EBAG9: variants seen among roughly 807,000 people sequenced by gnomAD.
The protein encoded by EBAG9 is receptor-binding cancer antigen expressed on SiSo cells.
EBAG9 carries 16 observed loss-of-function variants against 30.9 expected under a neutral mutation model. The ratio of observed to expected loss-of-function variants is 0.52; its 90% CI spans 0.35 to 0.79. The LOEUF (loss-of-function observed/expected upper bound fraction) is 0.79. EBAG9 is among the 30% of genes least tolerant of loss of function. The probability of loss-of-function intolerance (pLI) is 0.01; values close to 1 mark genes in which losing one functional copy is unlikely to be tolerated. For synonymous variants in EBAG9, 93 were observed against 82.8 expected (o/e 1.12, Z -0.67); for missense variants, 197 against 242.1 (o/e 0.81, Z 1.24).
At chr8:109,545,862 A>G (rs1821374476) in intron 1 of EBAG9, among the ~76,000 whole-genome samples, 1 of 152,166 alleles carries the variant, frequency 6.6e-6, no homozygotes, top group African/African-American at 2.4e-5. Flanking sequence ...TCAGTTCTGT[A>G]TCTTTGGCAG....
chr8:109,561,335 C>G (rs901175747), intron 6 of EBAG9, among the ~76,000 whole-genome samples: 1 of 151,826 alleles, frequency 6.6e-6, no homozygotes, highest in African/African-American at 2.4e-5. Context: ...GTGCCCAGTA[C>G]TGCTCATTTG....
intron 1 of EBAG9, among the ~76,000 whole-genome samples, chr8:109,548,269 A>C (rs947172173): frequency 6.6e-6 from 1 of 151,824 alleles, no homozygotes; most frequent in African/African-American, 2.4e-5. Flanking sequence ...TTTCTCTCTG[A>C]ATTACCTTTG....
intron 4 of EBAG9, among the ~76,000 whole-genome samples, chr8:109,556,328 G>C (rs1821597568): frequency 6.6e-6 from 1 of 151,922 alleles, no homozygotes; most frequent in Non-Finnish European, 1.5e-5. Context: ...ATTCTTTGTT[G>C]TTGAGTTGTC....
chr8:109,554,641 T>C (rs1821559458), intron 3 of EBAG9, 88 bp from the exon 4 acceptor site: 1 of 1,375,630 alleles, frequency 7.3e-7, no homozygotes, highest in Admixed American at 2.2e-5. Flanking sequence ...ACCAGTGTTT[T>C]AGAAAGCCCA....
In EBAG9 at chr8:109,565,665, GC is replaced by G. The variant is rs1821812633; in HGVS notation, c.*1108del. ...TTTCACCGCAGTTGAAATGCATCCA[GC>G]CTGATTTTCCTATCATTTTGGAATT... On this transcript the variant is annotated 3_prime_UTR_variant, in exon 7 of 7. Transcript: ENST00000337573. 6.6e-6 allele frequency: 1 copy of G among 151,998 alleles called. No homozygotes were observed. The highest frequency in any genetic ancestry group is 2.1e-4 in the South Asian group (1 of 4,832). The allele number at this position is 151,998 out of a possible 1,614,324, so 9.4% of individuals were successfully genotyped here.
chr8:109,552,897 A>T (rs1023500596), intron 2 of EBAG9, among the ~76,000 whole-genome samples: 2 of 152,152 alleles, frequency 1.3e-5, no homozygotes, highest in Non-Finnish European at 2.9e-5. Context: ...GGAGTTCAAG[A>T]CCAGCCTGGG....
intron 5 of EBAG9, among the ~76,000 whole-genome samples, chr8:109,560,364 T>C (rs1311642906): frequency 6.6e-6 from 1 of 152,178 alleles, no homozygotes; most frequent in Non-Finnish European, 1.5e-5. Context: ...GTAAGTTACA[T>C]ATGCTTAAAT....
At chr8:109,545,386 T>A (rs10094166) in intron 1 of EBAG9, among the ~76,000 whole-genome samples, 13 of 133,116 alleles carry the variant, frequency 9.8e-5, no homozygotes, top group Admixed American at 2.3e-4. Flanking sequence ...TTTTTTGAAA[T>A]GGAGTCTCAC....
At chr8:109,546,548 G>C (rs546942356) in intron 1 of EBAG9, among the ~76,000 whole-genome samples, 45 of 152,326 alleles carry the variant, frequency 3.0e-4, no homozygotes, top group African/African-American at 9.4e-4. Flanking sequence ...TCTGCTGCCT[G>C]TGGGCCTCAT....
chr8:109,561,585 T>TAG (rs1171190413), intron 6 of EBAG9, among the ~76,000 whole-genome samples: 1 of 152,094 alleles, frequency 6.6e-6, no homozygotes, highest in Non-Finnish European at 1.5e-5. Flanking sequence ...TAGTGACTGA[T>TAG]TACTGCTTTT....
chr8:109,557,135 T>G, intron 5 of EBAG9, 93 bp downstream of exon 5: 1 of 727,772 alleles, frequency 1.4e-6, no homozygotes, highest in East Asian at 3.2e-5. Context: ...TAACATAGTA[T>G]TTATATTTTT....
intron 1 of EBAG9, among the ~76,000 whole-genome samples, chr8:109,547,227 G>C (rs1261848915): frequency 6.6e-6 from 1 of 151,984 alleles, no homozygotes; most frequent in Non-Finnish European, 1.5e-5. Flanking sequence ...TGGGTCATAT[G>C]GTAGATGTTT....
rs1382941492 is a variant in EBAG9 at position 109,557,012 on chromosome 8, T to C, written c.399T>C (p.Ala133=). ...CAGGTTTCTCTAGTAGATTAGCAGC[T>C]ACACAAGATCTGCCTTTTATTCATC... is the stretch of plus-strand genomic sequence containing the variant. The part of the protein sequence containing the change: ...GSTGFSSRLA[A]TQDLPFIHQS... The change falls in exon 5 of 7, where the codon GCT becomes GCC. Residue 133 remains alanine, a synonymous_variant. Coordinates refer to ENST00000337573, the MANE Select transcript of EBAG9 (RefSeq NM_004215.5). The C allele has an allele frequency of 2.5e-6, 4 of 1,607,530 alleles. No homozygotes were observed. Among genetic ancestry groups the C allele is most frequent in the Non-Finnish European group, 2.6e-6 (3 of 1,176,264 alleles).
At position 109,565,259 on chromosome 8, in the gene EBAG9, T is replaced by C. The variant is rs1391897922; in HGVS notation, c.*700T>C. ...ATTGAAAATCAACTAAAATGACATT[T>C]GTTCTACATTATAACTTGTGAGTTT... On this transcript the variant is annotated 3_prime_UTR_variant, in exon 7 of 7. Coordinates refer to ENST00000337573, the MANE Select transcript of EBAG9 (RefSeq NM_004215.5). The C allele has an allele frequency of 6.6e-6, 1 of 152,548 alleles. No individual in the cohort carries two copies. Among genetic ancestry groups the C allele is most frequent in the Non-Finnish European group, 1.5e-5 (1 of 67,972 alleles). 9.4% of individuals were successfully genotyped at this position (152,548 alleles called of 1,614,324 possible). A position where few individuals can be genotyped will look rare whatever the true frequency, so the allele number is the denominator to read the frequency against.
intron 3 of EBAG9, among the ~76,000 whole-genome samples, 185 bp downstream of exon 3, chr8:109,554,128 A>T (rs908646327): frequency 6.6e-6 from 1 of 152,050 alleles, no homozygotes; most frequent in African/African-American, 2.4e-5. Context: ...TTCTTTGTTG[A>T]CATTTTCTAT....
chr8:109,563,361 A>G lies in EBAG9; in HGVS notation c.522-1078A>G, dbSNP rs1174504630. On this transcript the variant is annotated intron_variant, in intron 6 of 6. Transcript: ENST00000337573. Reference sequence around the variant, plus strand: ...CTGTAGCTTCCTTCCTCAACGTTGCATACTTGAATGATTTTCTCACACCCT... The same window carrying G: ...CTGTAGCTTCCTTCCTCAACGTTGCGTACTTGAATGATTTTCTCACACCCT... 9 of 1,591,852 alleles carry G rather than the reference A, an allele frequency of 5.7e-6. No individual in the cohort carries two copies. In the Admixed American group the frequency reaches 8.4e-5, roughly 15 times the overall value.
chr8:109,553,936 C>G lies in EBAG9; in HGVS notation c.155C>G (p.Pro52Arg). 6.2e-7 allele frequency: 1 copy of G among 1,603,126 alleles called. No individual in the cohort carries two copies. Among genetic ancestry groups the G allele is most frequent in the Non-Finnish European group, 8.5e-7 (1 of 1,176,444 alleles). Reference protein sequence around the residue: ...LPTTVDYSSVPKQTDVEEWTS... With the variant: ...LPTTVDYSSVRKQTDVEEWTS... ...ACTACAGTTGATTATTCATCAGTTC[C>G]TAAGCAGGTAGGTTTTTTTTGTGTG... Residue 52 changes from proline (P) to arginine (R), a missense_variant, in exon 3 of 7, where the codon CCT (proline) becomes CGT (arginine). Physicochemically the swap from Pro to Arg is moderately radical, Grantham distance 103. Transcript: ENST00000337573.
intron 2 of EBAG9, among the ~76,000 whole-genome samples, chr8:109,553,446 A>G (rs1229725959): frequency 1.3e-5 from 2 of 152,202 alleles, no homozygotes; most frequent in Non-Finnish European, 2.9e-5. Context: ...AAACTTCTTA[A>G]TAGTTAATCT....
At position 109,564,784 on chromosome 8, in the gene EBAG9, C is replaced by T. The variant is rs1821787019; in HGVS notation, c.*225C>T. On this transcript the variant is annotated 3_prime_UTR_variant, in exon 7 of 7. Transcript: ENST00000337573. ...AGACAATGTTTTCTTCAACATGCTC[C>T]AAATATAAGACATTTGTTTGCTGTA... 1 of 416,130 alleles carries T rather than the reference C, an allele frequency of 2.4e-6. No homozygotes were observed. Among genetic ancestry groups the T allele is most frequent in the South Asian group, 3.5e-5 (1 of 28,520 alleles). 25.8% of individuals were successfully genotyped at this position (416,130 alleles called of 1,614,324 possible).
Sources: gnomAD v4.1 joint callset for allele counts (sites outside exome capture counted in the v4.1 genomes callset) on GRCh38, gnomAD v4.1.1 for gene constraint, MANE v1.5 for transcripts, NCBI Gene and HGNC (gene_info 2026-07-23, HGNC 2026-07-21) for gene names.